The following CLEC16A variants were observed in gnomAD, a reference collection of about 807,000 sequenced individuals.
CLEC16A encodes the protein protein CLEC16A.
A neutral mutation model predicts 109.5 loss-of-function variants in CLEC16A; 51 were observed. The observed-to-expected ratio is 0.47, with a 90% CI of 0.37 to 0.59. The LOEUF (loss-of-function observed/expected upper bound fraction) is 0.59. Ranked by LOEUF, CLEC16A falls within the 20% of genes least tolerant of loss-of-function variation. The probability of loss-of-function intolerance (pLI) is 0.00; values close to 1 mark genes in which losing one functional copy is unlikely to be tolerated. For synonymous variants in CLEC16A, 673 were observed against 564.2 expected, an observed-to-expected ratio of 1.19 and a Z score of -2.73; for missense variants, 1,339 against 1,394.0, an observed-to-expected ratio of 0.96 and a Z score of 0.63.
At chr16:11,064,916 C>T (rs959420272) in intron 19 of CLEC16A, among the ~76,000 whole-genome samples, 1 of 152,246 alleles carries the variant, frequency 6.6e-6, no homozygotes, top group Non-Finnish European at 1.5e-5. Flanking sequence ...TTCCCTGCTG[C>T]AGCTGCTGAA....
intron 18 of CLEC16A, chr16:11,056,563 G>A (rs1318482924): frequency 6.6e-6 from 1 of 152,196 alleles, no homozygotes; most frequent in Non-Finnish European, 1.5e-5. Flanking sequence ...AAGCGGTTAT[G>A]AAACACCCAT....
chr16:11,084,527 A>G (rs1305289788), intron 19 of CLEC16A, among the ~76,000 whole-genome samples: 1 of 152,134 alleles, frequency 6.6e-6, no homozygotes, highest in South Asian at 2.1e-4. Context: ...AAAATAGACC[A>G]TGACTCCAGG....
At chr16:11,130,991 A>G (rs902862672) in intron 22 of CLEC16A, among the ~76,000 whole-genome samples, 1 of 152,180 alleles carries the variant, frequency 6.6e-6, no homozygotes, top group African/African-American at 2.4e-5. Flanking sequence ...ATAGGTGACT[A>G]GCCACTTTGG....
At chr16:10,959,014 G>GGT (rs59658260) in intron 2 of CLEC16A, among the ~76,000 whole-genome samples, 27,297 of 146,176 alleles carry the variant, frequency 0.19, 2,487 homozygotes, top group South Asian at 0.27. Flanking sequence ...ACTAAACACG[G>GGT]GTGTGTGTGT....
intron 1 of CLEC16A, among the ~76,000 whole-genome samples, chr16:10,946,546 AG>A (rs781417659): frequency 6.6e-6 from 1 of 151,988 alleles, no homozygotes; most frequent in Non-Finnish European, 1.5e-5. Context: ...TGGCCGGGAA[AG>A]GGAGTGGTTG....
Position 11,027,389 on chromosome 16 carries a change from A to G in CLEC16A, c.1537+2468A>G. 5.0e-6 allele frequency: 7 copies of G among 1,409,864 alleles called. No individual in the cohort carries two copies. The South Asian group carries it at 8.0e-5, about 16-fold the overall frequency. 87.3% of individuals were successfully genotyped at this position (1,409,864 alleles called of 1,614,324 possible). A position where few individuals can be genotyped will look rare whatever the true frequency, so the allele number is the denominator to read the frequency against. ...AAATTTTTAGTGGTGTCTTTGTAAA[A>G]GTCACCCCCCAGAATCTACAAATGC... is the stretch of plus-strand genomic sequence containing the variant. On this transcript the variant is annotated intron_variant, in intron 13 of 23. Transcript: ENST00000409790.
rs146327619 is a variant in CLEC16A, at chr16:11,115,420, G to A, written c.2117-5195G>A. Among the ~76,000 whole-genome samples the A allele has an allele frequency of 5.8e-4, 89 of 152,272 alleles. No individual in the cohort carries two copies. In the East Asian group the frequency reaches 0.014, roughly 24 times the overall value. On this transcript the variant is annotated intron_variant, in intron 19 of 23. Transcript: ENST00000409790. ...GGCTCATCACTCTGTCACCCAGACC[G>A]GAGTTCAGTGGTGTGATCACGGCTC... is the stretch of plus-strand genomic sequence containing the variant.
chr16:11,038,263 C>A (rs1756015631), intron 13 of CLEC16A, among the ~76,000 whole-genome samples: 1 of 152,164 alleles, frequency 6.6e-6, no homozygotes, highest in Non-Finnish European at 1.5e-5. Flanking sequence ...TGTCAAGGTT[C>A]TAAATGAAGC....
intron 19 of CLEC16A, among the ~76,000 whole-genome samples, chr16:11,111,199 A>G (rs181494282): frequency 2.0e-5 from 3 of 152,246 alleles, no homozygotes; most frequent in East Asian, 1.9e-4. Flanking sequence ...AACCAACCAC[A>G]TATATTAACT....
chr16:10,982,302 G>A (rs1025201379), intron 9 of CLEC16A, among the ~76,000 whole-genome samples: 9 of 152,042 alleles, frequency 5.9e-5, no homozygotes, highest in African/African-American at 1.2e-4. Context: ...CCTCTGTCTC[G>A]TGTGATTTTC....
intron 19 of CLEC16A, chr16:11,070,954 C>T (rs1415011850): frequency 6.6e-6 from 1 of 152,238 alleles, no homozygotes; most frequent in African/African-American, 2.4e-5. Flanking sequence ...GTTTATTCTT[C>T]ATTTGCGGAT....
rs1436868493 is a variant in CLEC16A, at chr16:10,961,051, C to G, written c.210-1404C>G. On this transcript the variant is annotated intron_variant, in intron 2 of 23. Transcript: ENST00000409790. The surrounding 1 kb of genome is among the most constrained non-coding windows in gnomAD (Gnocchi z 4.3). ...TCATGGATTTTATGCTAGACCTACC[C>G]TGTCAATCCCCGGGGCAAGATCTAG... 6.6e-6 allele frequency among the ~76,000 whole-genome samples: 1 copy of G among 152,130 alleles called. No homozygotes were observed. Among genetic ancestry groups the G allele is most frequent in the Non-Finnish European group, 1.5e-5 (1 of 68,026 alleles).
intron 3 of CLEC16A, among the ~76,000 whole-genome samples, chr16:10,967,625 C>T (rs2042575812): frequency 6.6e-6 from 1 of 152,208 alleles, no homozygotes; most frequent in Admixed American, 6.5e-5. Context: ...GCGGCCCATG[C>T]TGTCCATTCA....
At chr16:10,981,648 C>T (rs1226223355) in intron 9 of CLEC16A, among the ~76,000 whole-genome samples, 2 of 152,198 alleles carry the variant, frequency 1.3e-5, no homozygotes, top group Admixed American at 1.3e-4. Flanking sequence ...TTTGCCTTCA[C>T]TTTTTAAAAA....
intron 15 of CLEC16A, among the ~76,000 whole-genome samples, chr16:11,042,936 C>T (rs1037800377): frequency 6.7e-6 from 1 of 149,656 alleles, no homozygotes; most frequent in Admixed American, 6.7e-5. Flanking sequence ...TTTACATATA[C>T]AATATGTAAA....
At chr16:11,044,611 T>C (rs965448548) in intron 16 of CLEC16A, among the ~76,000 whole-genome samples, 3 of 152,212 alleles carry the variant, frequency 2.0e-5, no homozygotes, top group Non-Finnish European at 4.4e-5. Flanking sequence ...CAGAGCTTTG[T>C]CTTCAGGTTC....
At chr16:11,030,882 T>G (rs1475155418) in intron 13 of CLEC16A, among the ~76,000 whole-genome samples, 1 of 152,208 alleles carries the variant, frequency 6.6e-6, no homozygotes, top group Admixed American at 6.5e-5. Flanking sequence ...TGACCTCAAG[T>G]GATACACCCG....
intron 12 of CLEC16A, chr16:11,024,011 A>G (rs1471506960): frequency 6.6e-6 from 1 of 152,228 alleles, no homozygotes; most frequent in Non-Finnish European, 1.5e-5. Flanking sequence ...CAGCCTCTCT[A>G]CAGATCTCAC....
At chr16:11,170,243 G>C (rs553879655) in intron 23 of CLEC16A, among the ~76,000 whole-genome samples, 2 of 152,146 alleles carry the variant, frequency 1.3e-5, no homozygotes, top group African/African-American at 4.8e-5. Flanking sequence ...GGCCCCACTC[G>C]TGAAGGCCTG....
Sources: allele counts gnomAD v4.1 joint callset (sites outside exome capture counted in the v4.1 genomes callset), GRCh38; gene constraint gnomAD v4.1.1; non-coding constraint Gnocchi (gnomAD v3.1); transcripts MANE v1.5; gene names NCBI Gene and HGNC (gene_info 2026-07-23, HGNC 2026-07-21).